Variants in NGEF observed in about 807,000 individuals in gnomAD.
NGEF encodes neuronal guanine nucleotide exchange factor, also known as ephexin-1.
NGEF carries 31 observed loss-of-function variants against 80.9 expected under a neutral mutation model. The observed-to-expected ratio is 0.38, with a 90% CI of 0.29 to 0.52. The LOEUF is 0.52. Among genes scored for constraint, NGEF ranks in the 20% least tolerant of loss-of-function variants. The pLI is 0.84. For synonymous variants in NGEF, 371 were observed against 370.2 expected (o/e 1.00, Z -0.03); for missense variants, 709 against 926.2 (o/e 0.77, Z 3.04).
At chr2:232,887,308 AC>A (rs1450209206) in intron 9 of NGEF, among the ~76,000 whole-genome samples, 2 of 151,954 alleles carry the variant, frequency 1.3e-5, no homozygotes, top group East Asian at 3.9e-4. Flanking sequence ...ACTGAAACAT[AC>A]TCGCTGGCCC....
At position 232,882,307 on chromosome 2, in the gene NGEF, G is replaced by A. The variant is rs1247146878; in HGVS notation, c.1758-42C>T. 2.5e-5 allele frequency: 39 copies of A among 1,559,872 alleles called. 1 individual carries two copies. The highest frequency in any genetic ancestry group is 4.1e-5 in the African/African-American group (3 of 73,982). ...GACAGTGCCCCAACTGCAGATCAAC[G>A]GCAGCCCCCCAACGTGTGGCACGAG... On this transcript the variant is annotated intron_variant, in intron 12 of 14. Coordinates refer to ENST00000264051, the MANE Select transcript of NGEF (RefSeq NM_019850.3).
intron 8 of NGEF, among the ~76,000 whole-genome samples, 191 bp from the exon 9 acceptor site, chr2:232,888,298 G>A (rs531338456): frequency 1.3e-4 from 20 of 151,150 alleles, no homozygotes; most frequent in South Asian, 4.2e-4. Context: ...GTGCACACAC[G>A]TGCATACATG....
In NGEF at chr2:232,928,134, G is replaced by GCCA. The variant is rs1197059795; in HGVS notation, c.384-951_384-949dup. ...CTCGACCGGAGCTGCAGCCGCCGCC[G>GCCA]CCACCGCTGCCGAGCACTCCCGCGG... On this transcript the variant is annotated intron_variant, in intron 3 of 14. Coordinates refer to ENST00000264051, the MANE Select transcript of NGEF (RefSeq NM_019850.3). 5.5e-5 allele frequency: 55 copies of GCCA among 992,824 alleles called. No individual in the cohort carries two copies. In the East Asian group the frequency reaches 3.9e-3, roughly 70 times the overall value. 61.5% of individuals were successfully genotyped at this position (992,824 alleles called of 1,614,324 possible).
In NGEF at chr2:232,882,199, T is replaced by A. The variant is rs200332133; in HGVS notation, c.1824A>T (p.Thr608=). The change falls in exon 13 of 15, where the codon ACA becomes ACT. Residue 608 remains threonine (T), a synonymous_variant. Transcript: ENST00000264051. ...PNRRTKFVSF[T]SRLLDCPQVQ... ...CCGGTGACTTACCCAGCAGCCGGGATGTGAACGAAACAAACTTGGTCCTCC... is the reference window on the plus strand; with the variant it reads ...CCGGTGACTTACCCAGCAGCCGGGAAGTGAACGAAACAAACTTGGTCCTCC... 9 of 1,613,764 alleles carry A rather than the reference T, an allele frequency of 5.6e-6. No individual in the cohort carries two copies. The East Asian group carries it at 1.6e-4, about 28-fold the overall frequency.
At chr2:232,925,059 T>C (rs1693032016) in intron 4 of NGEF, among the ~76,000 whole-genome samples, 1 of 152,240 alleles carries the variant, frequency 6.6e-6, no homozygotes, top group Admixed American at 6.5e-5. Flanking sequence ...GATCAGGCTT[T>C]CCTATTTTAT....
At chr2:232,927,773 GGGCCCGCGGAGGAGGA>G in intron 3 of NGEF, 1 of 540,124 alleles carries the variant, frequency 1.9e-6, no homozygotes, top group Non-Finnish European at 2.7e-6. Flanking sequence ...GGGGCGGCGG[GGGCCCGCGGAGGAGGA>G]GTGGGGATAG....
At chr2:232,973,058 T>A (rs1260619450) in intron 2 of NGEF, among the ~76,000 whole-genome samples, 2 of 152,050 alleles carry the variant, frequency 1.3e-5, no homozygotes, top group Non-Finnish European at 2.9e-5. Context: ...CACCCGGCCG[T>A]CCTTACCCAT....
At chr2:232,966,423 C>T (rs1694059950) in intron 3 of NGEF, among the ~76,000 whole-genome samples, 1 of 152,212 alleles carries the variant, frequency 6.6e-6, no homozygotes. Context: ...TCCCCAATCC[C>T]TGCTCAGCCT....
chr2:232,968,017 G>C (rs1048977909), intron 3 of NGEF, among the ~76,000 whole-genome samples: 1 of 151,576 alleles, frequency 6.6e-6, no homozygotes, highest in Non-Finnish European at 1.5e-5. Context: ...AGAGATTGCT[G>C]TTGCCTTCCC....
chr2:232,910,007 C>T lies in NGEF; in HGVS notation c.828+10277G>A, dbSNP rs1190275680. On this transcript the variant is annotated intron_variant, in intron 5 of 14. Coordinates refer to ENST00000264051, the MANE Select transcript of NGEF (RefSeq NM_019850.3). The stretch of plus-strand genomic sequence containing the variant: ...GATGTACTGGTTTATTTTCTATTAT[C>T]TGTTGAAGGACCTTTGGCTTGTTTC... Among the ~76,000 whole-genome samples the T allele has an allele frequency of 3.3e-5, 5 of 152,306 alleles. No individual in the cohort carries two copies. The East Asian group carries it at 9.6e-4, about 29-fold the overall frequency.
At position 232,881,124 on chromosome 2, in the gene NGEF, AGGGGAGGTCCCTGGG is replaced by A. The variant is rs1247897234; in HGVS notation, c.1942+7_1942+21del. 1.9e-6 allele frequency: 3 copies of A among 1,603,952 alleles called. No individual in the cohort carries two copies. The highest frequency in any genetic ancestry group is 2.6e-6 in the Non-Finnish European group (3 of 1,174,214). On this transcript the variant is annotated splice_region_variant and intron_variant, in intron 14 of 14. Transcript: ENST00000264051. ...GGGGCAAGTTCCCCTGGGGGCCCCG[AGGGGAGGTCCCTGGG>A]CCTCACCGTCGTCAGTCTTGTCCAG...
At chr2:232,949,051 AC>A (rs1693623134) in intron 3 of NGEF, among the ~76,000 whole-genome samples, 1 of 150,298 alleles carries the variant, frequency 6.7e-6, no homozygotes, top group South Asian at 2.1e-4. Flanking sequence ...AACAAAAAAA[AC>A]CAATCAAATT....
At chr2:232,954,282 C>A (rs760396753) in intron 3 of NGEF, among the ~76,000 whole-genome samples, 8 of 152,178 alleles carry the variant, frequency 5.3e-5, no homozygotes, top group Non-Finnish European at 1.0e-4. Flanking sequence ...TTCATTCATT[C>A]ATTAACTGTC....
At chr2:232,971,754 G>T (rs975358352) in intron 2 of NGEF, among the ~76,000 whole-genome samples, 2 of 152,156 alleles carry the variant, frequency 1.3e-5, no homozygotes, top group Non-Finnish European at 1.5e-5. Context: ...GGCCACCTTT[G>T]GGGATGGCAC....
chr2:233,004,754 G>A (rs752681288), intron 1 of NGEF, among the ~76,000 whole-genome samples: 3 of 149,196 alleles, frequency 2.0e-5, no homozygotes, highest in South Asian at 4.3e-4. Context: ...ACCCCCCATC[G>A]CTGAGAATCA....
intron 9 of NGEF, among the ~76,000 whole-genome samples, chr2:232,887,733 TGAA>T (rs1691736831): frequency 6.6e-6 from 1 of 151,962 alleles, no homozygotes; most frequent in Admixed American, 6.5e-5. Context: ...TCCACACTGG[TGAA>T]GAATGTCCTG....
intron 3 of NGEF, among the ~76,000 whole-genome samples, chr2:232,953,980 CA>C (rs1693739306): frequency 6.6e-6 from 1 of 152,116 alleles, no homozygotes; most frequent in African/African-American, 2.4e-5. Flanking sequence ...AGGGGTGAAG[CA>C]TTTGCCAAAA....
At position 233,008,598 on chromosome 2, in the gene NGEF, C is replaced by T. The variant is rs1166409332; in HGVS notation, c.-75+4470G>A. 5.3e-5 allele frequency among the ~76,000 whole-genome samples: 8 copies of T among 152,206 alleles called. No homozygotes were observed. The South Asian group carries it at 1.5e-3, about 28-fold the overall frequency. ...TGCCTTCCATATCCCCTGTCACTGCCTCTGTGGTTCCCAAGCTTCTCTCAT... is the reference window on the plus strand; with the variant it reads ...TGCCTTCCATATCCCCTGTCACTGCTTCTGTGGTTCCCAAGCTTCTCTCAT... On this transcript the variant is annotated intron_variant, in intron 1 of 14. Coordinates refer to ENST00000264051, the MANE Select transcript of NGEF (RefSeq NM_019850.3).
chr2:232,950,347 A>G (rs932176908), intron 3 of NGEF, among the ~76,000 whole-genome samples: 1 of 152,330 alleles, frequency 6.6e-6, no homozygotes, highest in East Asian at 1.9e-4. Flanking sequence ...TATATGTTTT[A>G]ACAAGGGCCG....
Sources: gnomAD v4.1 joint callset for allele counts (sites outside exome capture counted in the v4.1 genomes callset) on GRCh38, gnomAD v4.1.1 for gene constraint, MANE v1.5 for transcripts, NCBI Gene and HGNC (gene_info 2026-07-23, HGNC 2026-07-21) for gene names.